The following LARP4B variants were observed in gnomAD, a reference collection of about 807,000 sequenced individuals.
The protein encoded by LARP4B is la-related protein 4B.
Under a neutral mutation model 89.8 loss-of-function variants are expected in LARP4B, and 12 were observed. The observed-to-expected ratio is 0.13, with a 90% CI of 0.09 to 0.22. LARP4B has a LOEUF of 0.22. Among genes scored for constraint, LARP4B ranks in the 10% least tolerant of loss-of-function variants. The pLI, the probability that LARP4B is intolerant of heterozygous loss-of-function variation, is 1.00. For missense variants in LARP4B, 757 were observed against 947.7 expected, an observed-to-expected ratio of 0.80 and a Z score of 2.64; for synonymous variants, 367 against 363.3, an observed-to-expected ratio of 1.01 and a Z score of -0.12.
At chr10:941,645 A>G in the LARP4B span, among the ~76,000 whole-genome samples, 3 of 152,218 alleles carry the variant, frequency 2.0e-5, no homozygotes, top group African/African-American at 7.2e-5. Context: ...AAGCGATTGC[A>G]ATTCCACCTG....
chr10:883,993 G>C (rs1049558679), intron 3 of LARP4B, among the ~76,000 whole-genome samples: 1 of 152,092 alleles, frequency 6.6e-6, no homozygotes, highest in Non-Finnish European at 1.5e-5. Flanking sequence ...AATGATGAAA[G>C]GTAGGATTTA....
intron 5 of LARP4B, among the ~76,000 whole-genome samples, chr10:854,483 T>C (rs1185511814): frequency 5.3e-5 from 8 of 152,218 alleles, no homozygotes; most frequent in African/African-American, 1.9e-4. Flanking sequence ...TTAGCAGCCA[T>C]GAAATCAACA....
rs1831687677 is a variant in LARP4B at position 810,040 on chromosome 10, G to A, written c.*2886C>T. ...TTGAAATTCATGTCTGGTGAAACGG[G>A]ACCAGGTTTTTATTCTTCTATTTCA... On this transcript the variant is annotated 3_prime_UTR_variant, in exon 18 of 18. Transcript: ENST00000316157. The A allele has an allele frequency of 6.6e-6, 1 of 152,182 alleles. No individual in the cohort carries two copies. Among genetic ancestry groups the A allele is most frequent in the South Asian group, 2.1e-4 (1 of 4,832 alleles). 9.4% of individuals were successfully genotyped at this position (152,182 alleles called of 1,614,324 possible).
intron 3 of LARP4B, among the ~76,000 whole-genome samples, chr10:869,494 AT>A: frequency 6.6e-6 from 1 of 152,348 alleles, no homozygotes; most frequent in Middle Eastern, 3.4e-3. Context: ...ATATTCTCCA[AT>A]TTGGAAATCA....
intron 8 of LARP4B, among the ~76,000 whole-genome samples, chr10:833,269 A>C (rs1248806901): frequency 2.7e-5 from 4 of 149,276 alleles, no homozygotes; most frequent in African/African-American, 9.8e-5. Flanking sequence ...AAAAAAAAAA[A>C]AAAAAAAAAA....
chr10:909,087 G>A (rs1185076853), intron 1 of LARP4B, among the ~76,000 whole-genome samples: 6 of 152,140 alleles, frequency 3.9e-5, no homozygotes, highest in Non-Finnish European at 7.4e-5. Context: ...AAGGTCAGGA[G>A]ATCAAGATCA....
chr10:897,665 A>G (rs190901320), intron 1 of LARP4B, among the ~76,000 whole-genome samples: 199 of 152,330 alleles, frequency 1.3e-3, no homozygotes, highest in Admixed American at 4.1e-3. Flanking sequence ...CCTAAAACTT[A>G]TAATGAGACA....
At chr10:824,333 A>G (rs541172937) in intron 13 of LARP4B, among the ~76,000 whole-genome samples, 1 of 152,296 alleles carries the variant, frequency 6.6e-6, no homozygotes, top group South Asian at 2.1e-4. Flanking sequence ...TCTCTACAAA[A>G]TATTTAAAAA....
In LARP4B at chr10:821,781, C is replaced by T. The variant is rs190331934; in HGVS notation, c.1485-936G>A. 3.3e-4 allele frequency among the ~76,000 whole-genome samples: 50 copies of T among 152,346 alleles called. 1 individual carries two copies. In the Middle Eastern group the frequency reaches 0.01, roughly 31 times the overall value. ...TGGGCCAAACCCTCTAGGGCAAGGA[C>T]GGCACAAACCTTTAGGATTCTGGAG... On this transcript the variant is annotated intron_variant, in intron 13 of 17. Transcript: ENST00000316157.
chr10:842,727 T>C (rs575740282), intron 7 of LARP4B, among the ~76,000 whole-genome samples: 4 of 152,222 alleles, frequency 2.6e-5, no homozygotes, highest in Non-Finnish European at 5.9e-5. Context: ...TGAGGTTTCA[T>C]AACGGGTTCA....
the LARP4B span, among the ~76,000 whole-genome samples, chr10:938,303 T>C: frequency 2.0e-5 from 3 of 148,670 alleles, no homozygotes; most frequent in Admixed American, 2.1e-4. Flanking sequence ...CAGGCTGGAG[T>C]GCAGTGGTGT....
intron 7 of LARP4B, among the ~76,000 whole-genome samples, chr10:838,017 A>G (rs1338192663): frequency 6.6e-6 from 1 of 152,172 alleles, no homozygotes; most frequent in Non-Finnish European, 1.5e-5. Flanking sequence ...ACACACATAC[A>G]TCATTGACAA....
intron 1 of LARP4B, among the ~76,000 whole-genome samples, chr10:927,236 G>A (rs747087388): frequency 1.3e-5 from 2 of 152,068 alleles, no homozygotes; most frequent in African/African-American, 4.8e-5. Flanking sequence ...TGAGAAGACA[G>A]AGTTTATAAA....
rs1831807615 is a variant in LARP4B, at chr10:812,797, C to A, written c.*129G>T. 1 of 809,404 alleles carries A rather than the reference C, an allele frequency of 1.2e-6. No individual in the cohort carries two copies. Among genetic ancestry groups the A allele is most frequent in the East Asian group, 3.0e-5 (1 of 33,142 alleles). The allele number at this position is 809,404 out of a possible 1,614,324, so 50.1% of individuals were successfully genotyped here. A position where few individuals can be genotyped will look rare whatever the true frequency, so the allele number is the denominator to read the frequency against. On this transcript the variant is annotated 3_prime_UTR_variant, in exon 18 of 18. Transcript: ENST00000316157. ...GAGAATCCAACTCACAGAAGAAAACCAACTTGAGGATCCCACAGGCCTCAG... is the reference window on the plus strand; with the variant it reads ...GAGAATCCAACTCACAGAAGAAAACAAACTTGAGGATCCCACAGGCCTCAG...
At chr10:969,319 G>A in the LARP4B span, among the ~76,000 whole-genome samples, 1 of 152,164 alleles carries the variant, frequency 6.6e-6, no homozygotes, top group Non-Finnish European at 1.5e-5. Context: ...TTCAGACTTT[G>A]AATTCAGCTG....
At chr10:941,456 G>A in the LARP4B span, among the ~76,000 whole-genome samples, 2 of 152,166 alleles carry the variant, frequency 1.3e-5, no homozygotes, top group African/African-American at 2.4e-5. Context: ...TGGGATTACA[G>A]GCGCCTGCCA....
At chr10:833,887 C>CAAAAAA (rs34834355) in intron 8 of LARP4B, among the ~76,000 whole-genome samples, 1 of 75,082 alleles carries the variant, frequency 1.3e-5, no homozygotes. Flanking sequence ...GATGCCACCT[C>CAAAAAA]AAAAAAAAAA....
At chr10:937,995 G>A in the LARP4B span, among the ~76,000 whole-genome samples, 4 of 144,802 alleles carry the variant, frequency 2.8e-5, no homozygotes, top group African/African-American at 5.1e-5. Context: ...AGCGATTCTC[G>A]TGCCTCAGCC....
chr10:813,716 T>A (rs60804727), intron 17 of LARP4B, among the ~76,000 whole-genome samples: 5,074 of 152,094 alleles, frequency 0.033, 108 homozygotes, highest in Admixed American at 0.066. Flanking sequence ...ACAGCTAAAA[T>A]CTTCAAGAAA....
Sources: gnomAD v4.1 joint callset for allele counts (sites outside exome capture counted in the v4.1 genomes callset) on GRCh38, gnomAD v4.1.1 for gene constraint, MANE v1.5 for transcripts, NCBI Gene and HGNC (gene_info 2026-07-23, HGNC 2026-07-21) for gene names.